The following LRRC28 variants were observed in gnomAD, a reference collection of about 807,000 sequenced individuals.
LRRC28 encodes leucine rich repeat containing 28, also known as leucine-rich repeat-containing protein 28.
Under a neutral mutation model 45.7 loss-of-function variants are expected in LRRC28, and 39 were observed. The observed-to-expected ratio is 0.85, with a 90% CI of 0.66 to 1.12. The LOEUF (loss-of-function observed/expected upper bound fraction) is 1.12. Among genes scored for constraint, LRRC28 ranks in the 50% most tolerant of loss-of-function variants. LRRC28 has a pLI of 0.00. For synonymous variants in LRRC28, 206 were observed against 178.8 expected (o/e 1.15, Z -1.22); for missense variants, 435 against 438.5 (o/e 0.99, Z 0.07).
At chr15:99,267,100 A>G (rs1218226498) in intron 2 of LRRC28, among the ~76,000 whole-genome samples, 1 of 152,222 alleles carries the variant, frequency 6.6e-6, no homozygotes, top group Non-Finnish European at 1.5e-5. Flanking sequence ...TGGTTAGAAT[A>G]TAGTGCCACT....
At chr15:99,355,961 C>T (rs1169723886) in intron 7 of LRRC28, among the ~76,000 whole-genome samples, 1 of 152,134 alleles carries the variant, frequency 6.6e-6, no homozygotes, top group Non-Finnish European at 1.5e-5. Flanking sequence ...GTATCGGATA[C>T]CTGAAACACA....
intron 5 of LRRC28, among the ~76,000 whole-genome samples, chr15:99,294,397 G>T (rs930614691): frequency 6.6e-6 from 1 of 151,684 alleles, no homozygotes; most frequent in Non-Finnish European, 1.5e-5. Context: ...GTTATCTGTT[G>T]ATCTGAGTTC....
In LRRC28 at chr15:99,267,645, G is replaced by A. The variant is rs561314605; in HGVS notation, c.169-8931G>A. Among the ~76,000 whole-genome samples the A allele has an allele frequency of 9.2e-5, 14 of 152,268 alleles. No individual in the cohort carries two copies. In the South Asian group the frequency reaches 2.9e-3, roughly 32 times the overall value. ...TAAAGCATTCTAATGGTCCGTTAGT[G>A]TTTTAGTGTTTGTAAGTAAATGTGG... On this transcript the variant is annotated intron_variant, in intron 2 of 9. Transcript: ENST00000301981.
chr15:99,322,239 A>G (rs1955823892), intron 5 of LRRC28, among the ~76,000 whole-genome samples: 1 of 152,154 alleles, frequency 6.6e-6, no homozygotes, highest in South Asian at 2.1e-4. Flanking sequence ...GAAGTGCAGC[A>G]GAAAGCCAGG....
intron 8 of LRRC28, among the ~76,000 whole-genome samples, chr15:99,361,924 C>G (rs1436154573): frequency 6.6e-6 from 1 of 152,150 alleles, no homozygotes; most frequent in Admixed American, 6.5e-5. Context: ...ATCTTGTCCT[C>G]AAAGTTGGAT....
intron 5 of LRRC28, among the ~76,000 whole-genome samples, chr15:99,293,997 A>G (rs577546583): frequency 1.7e-4 from 26 of 152,332 alleles, no homozygotes; most frequent in African/African-American, 6.0e-4. Flanking sequence ...CACTTTAAGG[A>G]AGATCTTCCA....
At chr15:99,267,123 A>C (rs915835375) in intron 2 of LRRC28, among the ~76,000 whole-genome samples, 4 of 152,248 alleles carry the variant, frequency 2.6e-5, no homozygotes, top group Non-Finnish European at 5.9e-5. Context: ...GTTTTTATCA[A>C]GCTTTCTAAT....
At chr15:99,319,702 A>G (rs1244619031) in intron 5 of LRRC28, among the ~76,000 whole-genome samples, 1 of 151,706 alleles carries the variant, frequency 6.6e-6, no homozygotes, top group Admixed American at 6.6e-5. Context: ...AAAAATTTCT[A>G]CTGGGAATTA....
intron 5 of LRRC28, among the ~76,000 whole-genome samples, chr15:99,288,299 T>A (rs2082012801): frequency 6.6e-6 from 1 of 152,038 alleles, no homozygotes; most frequent in South Asian, 2.1e-4. Flanking sequence ...TATAATCATT[T>A]TACTATCCAA....
At chr15:99,307,978 AAACTT>A in intron 5 of LRRC28, among the ~76,000 whole-genome samples, 2 of 152,334 alleles carry the variant, frequency 1.3e-5, no homozygotes, top group Admixed American at 1.3e-4. Context: ...CCAGTGATGA[AAACTT>A]AAACGAGGCG....
rs555816843 is a variant in LRRC28, at chr15:99,387,106, G to A, written c.*1004G>A. On this transcript the variant is annotated 3_prime_UTR_variant, in exon 10 of 10. Transcript: ENST00000301981. ...GACGGAGTCTCGCTCTGTCGCCCAG[G>A]CTGGAGTGCAGTGGCGGGATCTCGG... is the stretch of plus-strand genomic sequence containing the variant. 7.9e-5 allele frequency: 12 copies of A among 151,742 alleles called. No individual in the cohort carries two copies. The East Asian group carries it at 1.9e-3, about 25-fold the overall frequency. The allele number at this position is 151,742 out of a possible 1,614,324, so 9.4% of individuals were successfully genotyped here.
intron 2 of LRRC28, chr15:99,257,985 A>C (rs897123104): frequency 1.0e-5 from 9 of 865,920 alleles, no homozygotes; most frequent in Non-Finnish European, 1.8e-5. Context: ...TCACTGACTA[A>C]TGAAAATGCT....
intron 5 of LRRC28, among the ~76,000 whole-genome samples, chr15:99,313,461 G>A (rs73473383): frequency 0.029 from 4,378 of 152,020 alleles, 220 homozygotes; most frequent in African/African-American, 0.1. Flanking sequence ...ACAAGCAGAA[G>A]GCATTATTCT....
chr15:99,309,990 A>G lies in LRRC28; in HGVS notation c.385+22039A>G, dbSNP rs138964852. ...CTTGTAGAAGATGCACCCTCGGGAC[A>G]TCTTGTGCCAGAAAACAGAATCAGT... On this transcript the variant is annotated intron_variant, in intron 5 of 9. Coordinates refer to ENST00000301981, the MANE Select transcript of LRRC28 (RefSeq NM_144598.5). Among the ~76,000 whole-genome samples the G allele has an allele frequency of 2.6e-5, 4 of 152,362 alleles. No individual in the cohort carries two copies. In the South Asian group the frequency reaches 6.2e-4, roughly 24 times the overall value.
At position 99,251,531 on chromosome 15, in the gene LRRC28, C is replaced by G. The variant is rs2080775691; in HGVS notation, c.-71C>G. 2 of 151,888 alleles carry G rather than the reference C, an allele frequency of 1.3e-5. No homozygotes were observed. Among genetic ancestry groups the G allele is most frequent in the African/African-American group, 4.8e-5 (2 of 41,382 alleles). 9.4% of individuals were successfully genotyped at this position (151,888 alleles called of 1,614,324 possible). ...CTTGCGCTCCGGAGCGCTGGCTCTG[C>G]TGGCGCTGAGGTGAGTAGAGCTGTC... On this transcript the variant is annotated 5_prime_UTR_variant, in exon 1 of 10. Transcript: ENST00000301981.
intron 9 of LRRC28, among the ~76,000 whole-genome samples, chr15:99,371,144 T>TA (rs957825509): frequency 2.6e-5 from 4 of 152,030 alleles, no homozygotes; most frequent in Non-Finnish European, 2.9e-5. Flanking sequence ...TGGCTTCTTG[T>TA]AAAAAAAATT....
At chr15:99,260,449 G>A (rs2081163484) in intron 2 of LRRC28, among the ~76,000 whole-genome samples, 1 of 152,130 alleles carries the variant, frequency 6.6e-6, no homozygotes, top group Non-Finnish European at 1.5e-5. Flanking sequence ...ATTGTTGTAT[G>A]TGTTTATAAT....
At chr15:99,351,251 A>G (rs768071895) in intron 6 of LRRC28, among the ~76,000 whole-genome samples, 10 of 152,158 alleles carry the variant, frequency 6.6e-5, no homozygotes, top group Non-Finnish European at 1.3e-4. Flanking sequence ...TCCTGGGCAC[A>G]TGGGAAGGGA....
chr15:99,362,461 A>AC (rs1474843114), intron 8 of LRRC28, among the ~76,000 whole-genome samples: 2 of 152,080 alleles, frequency 1.3e-5, no homozygotes, highest in Non-Finnish European at 2.9e-5. Flanking sequence ...ATCAGTAGAA[A>AC]CCCAGTGTAA....
Sources: gnomAD v4.1 joint callset for allele counts (sites outside exome capture counted in the v4.1 genomes callset) on GRCh38, gnomAD v4.1.1 for gene constraint, MANE v1.5 for transcripts, NCBI Gene and HGNC (gene_info 2026-07-23, HGNC 2026-07-21) for gene names.